Variants in CLIC4 observed in about 807,000 individuals in gnomAD.
CLIC4 encodes the protein CLIC family member 4, also known as chloride intracellular channel protein 4.
In CLIC4, 13 loss-of-function variants were observed where a neutral mutation model predicts 24.6. That is an observed-to-expected ratio of 0.53 (90% CI 0.34 to 0.84). The LOEUF (loss-of-function observed/expected upper bound fraction) is 0.84, where lower values mean the gene tolerates loss of function less well. Among genes scored for constraint, CLIC4 ranks in the 40% least tolerant of loss-of-function variants. The pLI, the probability that CLIC4 is intolerant of heterozygous loss-of-function variation, is 0.01. For missense variants in CLIC4, 227 were observed against 301.7 expected (o/e 0.75, Z 1.83); for synonymous variants, 104 against 111.3 (o/e 0.93, Z 0.41).
intron 2 of CLIC4, among the ~76,000 whole-genome samples, chr1:24,805,102 A>AC (rs1553192968): frequency 1.6e-4 from 23 of 140,090 alleles, no homozygotes; most frequent in South Asian, 4.5e-4. Flanking sequence ...AAAAAAAAAA[A>AC]AAACACAAAA....
intron 1 of CLIC4, among the ~76,000 whole-genome samples, chr1:24,790,223 C>T (rs1014161095): frequency 2.0e-5 from 3 of 152,198 alleles, no homozygotes; most frequent in Admixed American, 6.5e-5. Flanking sequence ...AGGCGTGCGC[C>T]ACCACACTCG....
chr1:24,768,479 A>G (rs1364919925), intron 1 of CLIC4, among the ~76,000 whole-genome samples: 17 of 152,076 alleles, frequency 1.1e-4, no homozygotes, highest in Non-Finnish European at 2.5e-4. Context: ...AGAAGTTGAG[A>G]TAGTGTAGAT....
In CLIC4 at chr1:24,841,505, A is replaced by G. The variant is rs571161846; in HGVS notation, c.*568A>G. 6 of 152,336 alleles carry G rather than the reference A, an allele frequency of 3.9e-5. No individual in the cohort carries two copies. The highest frequency in any genetic ancestry group is 1.2e-4 in the African/African-American group (5 of 41,578). 9.4% of individuals were successfully genotyped at this position (152,336 alleles called of 1,614,324 possible). ...ACCACCAGAGAAGAGAGCTTTCTAC[A>G]AAAGTCACTACAGATTTTGCTATAT... On this transcript the variant is annotated 3_prime_UTR_variant, in exon 6 of 6. Transcript: ENST00000374379.
intron 3 of CLIC4, among the ~76,000 whole-genome samples, chr1:24,817,802 C>G (rs924557782): frequency 6.6e-6 from 1 of 152,188 alleles, no homozygotes; most frequent in Non-Finnish European, 1.5e-5. Context: ...TGTGACTCTT[C>G]CCTTCACCTG....
intron 1 of CLIC4, among the ~76,000 whole-genome samples, chr1:24,789,050 G>T (rs1050587403): frequency 1.1e-4 from 16 of 152,128 alleles, no homozygotes; most frequent in African/African-American, 3.9e-4. Flanking sequence ...GGGCTTCGGT[G>T]GTCTCTAGTG....
At chr1:24,768,872 G>T (rs1168180182) in intron 1 of CLIC4, among the ~76,000 whole-genome samples, 1 of 143,444 alleles carries the variant, frequency 7.0e-6, no homozygotes, top group Non-Finnish European at 1.5e-5. Flanking sequence ...CTGCACTCCA[G>T]CCTGGGCGAC....
At chr1:24,764,187 G>A (rs565528005) in intron 1 of CLIC4, among the ~76,000 whole-genome samples, 3 of 152,262 alleles carry the variant, frequency 2.0e-5, no homozygotes, top group African/African-American at 7.2e-5. Flanking sequence ...CGCAACCTCC[G>A]CCTCCCGGGT....
At chr1:24,778,404 A>G (rs1004992418) in intron 1 of CLIC4, among the ~76,000 whole-genome samples, 1 of 152,224 alleles carries the variant, frequency 6.6e-6, no homozygotes, top group African/African-American at 2.4e-5. Flanking sequence ...TACTCAATAC[A>G]TAGTAGCTTT....
intron 2 of CLIC4, among the ~76,000 whole-genome samples, chr1:24,810,701 A>T (rs1299600184): frequency 6.6e-6 from 1 of 151,854 alleles, no homozygotes; most frequent in Non-Finnish European, 1.5e-5. Context: ...TGAGCCTAGG[A>T]AATCAAGGCT....
intron 4 of CLIC4, among the ~76,000 whole-genome samples, chr1:24,838,616 A>C (rs995313341): frequency 1.3e-5 from 2 of 152,192 alleles, no homozygotes; most frequent in African/African-American, 4.8e-5. Flanking sequence ...CATGATATTT[A>C]ACTTTCTTTT....
At chr1:24,837,938 G>A (rs1387305743) in intron 4 of CLIC4, among the ~76,000 whole-genome samples, 5 of 152,002 alleles carry the variant, frequency 3.3e-5, no homozygotes, top group African/African-American at 7.3e-5. Context: ...CCATGGTTTC[G>A]GTGTTCATTT....
chr1:24,796,421 T>C (rs1421409211), intron 1 of CLIC4, among the ~76,000 whole-genome samples: 1 of 152,146 alleles, frequency 6.6e-6, no homozygotes, highest in African/African-American at 2.4e-5. Flanking sequence ...ACTCCTGACC[T>C]CGTGATCTGC....
chr1:24,814,212 C>T lies in CLIC4; in HGVS notation c.301C>T (p.Pro101Ser). The change falls in exon 3 of 6, where the codon CCT (proline) becomes TCT (serine). Residue 101 changes from proline (P) to serine (S), a missense_variant. Pro to Ser is a moderately conservative substitution (Grantham distance 74, BLOSUM62 -1). Coordinates refer to ENST00000374379, the MANE Select transcript of CLIC4 (RefSeq NM_013943.3). ...IEEFLEEVLC[P>S]PKYLKLSPKH... ...GGAATTTCTTGAAGAAGTCTTATGC[C>T]CTCCCAAGTGAGTATCAAGGAAAAT... 1.9e-6 allele frequency: 3 copies of T among 1,612,702 alleles called. No homozygotes were observed. Among genetic ancestry groups the T allele is most frequent in the East Asian group, 2.2e-5 (1 of 44,872 alleles).
rs564950077 is a variant in CLIC4, at chr1:24,818,300, T to C, written c.308+4081T>C. 1.6e-4 allele frequency among the ~76,000 whole-genome samples: 25 copies of C among 152,296 alleles called. 1 individual carries two copies. The South Asian group carries it at 4.6e-3, about 28-fold the overall frequency. On this transcript the variant is annotated intron_variant, in intron 3 of 5. Coordinates refer to ENST00000374379, the MANE Select transcript of CLIC4 (RefSeq NM_013943.3). Reference sequence around the variant, plus strand: ...TGGTTTTTTTTTGTTTGTTTTGTTTTTTTTGAGACAGAGGCTCACTCTGTC... The same window carrying C: ...TGGTTTTTTTTTGTTTGTTTTGTTTCTTTTGAGACAGAGGCTCACTCTGTC...
chr1:24,789,429 A>T (rs1639308387), intron 1 of CLIC4, among the ~76,000 whole-genome samples: 1 of 152,156 alleles, frequency 6.6e-6, no homozygotes, highest in South Asian at 2.1e-4. Context: ...GAGACAGGAG[A>T]ATCTCTTGAA....
intron 2 of CLIC4, among the ~76,000 whole-genome samples, chr1:24,802,627 C>A (rs985417906): frequency 2.0e-5 from 3 of 151,968 alleles, no homozygotes; most frequent in Non-Finnish European, 4.4e-5. Flanking sequence ...ATCCCTACCC[C>A]CTAGTCATCA....
chr1:24,759,844 C>T (rs948595495), intron 1 of CLIC4, among the ~76,000 whole-genome samples: 1 of 152,016 alleles, frequency 6.6e-6, no homozygotes, highest in Non-Finnish European at 1.5e-5. Context: ...TTCCCAGTTG[C>T]TTGGGGGCTG....
At chr1:24,776,912 CA>C (rs955283246) in intron 1 of CLIC4, among the ~76,000 whole-genome samples, 14 of 150,528 alleles carry the variant, frequency 9.3e-5, no homozygotes, top group African/African-American at 4.9e-5. Flanking sequence ...AACTCTGTCT[CA>C]AAAAAAAACC....
intron 2 of CLIC4, among the ~76,000 whole-genome samples, chr1:24,808,021 G>A (rs1385666757): frequency 6.6e-6 from 1 of 151,210 alleles, no homozygotes; most frequent in Non-Finnish European, 1.5e-5. Context: ...CACAATCTCA[G>A]CTCACTGCAA....
Sources: allele counts gnomAD v4.1 joint callset (sites outside exome capture counted in the v4.1 genomes callset), GRCh38; gene constraint gnomAD v4.1.1; transcripts MANE v1.5; gene names NCBI Gene and HGNC (gene_info 2026-07-23, HGNC 2026-07-21).